The following CACNA2D1 variants were observed in gnomAD, a reference collection of about 807,000 sequenced individuals.
The protein encoded by CACNA2D1 is calcium voltage-gated channel auxiliary subunit alpha2delta 1.
A neutral mutation model predicts 171.5 loss-of-function variants in CACNA2D1; 53 were observed. The ratio of observed to expected loss-of-function variants is 0.31; its 90% CI spans 0.25 to 0.39. The LOEUF is 0.39. CACNA2D1 is among the 10% of genes least tolerant of loss of function. The pLI is 1.00. For synonymous variants in CACNA2D1, 442 were observed against 443.1 expected (o/e 1.00, Z 0.03); for missense variants, 903 against 1,299.8 (o/e 0.69, Z 4.69).
At chr7:82,303,851 C>A (rs1813361695) in intron 3 of CACNA2D1, among the ~76,000 whole-genome samples, 1 of 151,958 alleles carries the variant, frequency 6.6e-6, no homozygotes, top group African/African-American at 2.4e-5. Flanking sequence ...GCAACAAAAA[C>A]AAAATTAGAC....
At chr7:82,011,333 G>T (rs1799749848) in intron 15 of CACNA2D1, among the ~76,000 whole-genome samples, 1 of 152,010 alleles carries the variant, frequency 6.6e-6, no homozygotes, top group African/African-American at 2.4e-5. Context: ...GTTTATGTTG[G>T]GCTGCATTCA....
At chr7:82,223,330 T>C (rs996057662) in intron 3 of CACNA2D1, among the ~76,000 whole-genome samples, 4 of 152,206 alleles carry the variant, frequency 2.6e-5, no homozygotes, top group Non-Finnish European at 5.9e-5. Flanking sequence ...GCTATACAAT[T>C]TTCCATTCTT....
At chr7:82,356,982 C>T (rs1200362220) in intron 1 of CACNA2D1, among the ~76,000 whole-genome samples, 1 of 151,976 alleles carries the variant, frequency 6.6e-6, no homozygotes, top group African/African-American at 2.4e-5. Context: ...TCTACAAATT[C>T]AATAAAATTT....
intron 3 of CACNA2D1, among the ~76,000 whole-genome samples, chr7:82,331,231 A>G (rs192132817): frequency 1.4e-4 from 21 of 152,292 alleles, no homozygotes; most frequent in African/African-American, 4.3e-4. Flanking sequence ...TAACCACTCA[A>G]TAAAGCCTAA....
At chr7:82,434,522 C>A (rs750946967) in intron 1 of CACNA2D1, among the ~76,000 whole-genome samples, 1 of 152,058 alleles carries the variant, frequency 6.6e-6, no homozygotes, top group Non-Finnish European at 1.5e-5. Flanking sequence ...TCTCACTCCT[C>A]CCACTCTCCA....
At chr7:82,332,317 A>G (rs1585530123) in intron 3 of CACNA2D1, among the ~76,000 whole-genome samples, 2 of 152,068 alleles carry the variant, frequency 1.3e-5, no homozygotes, top group East Asian at 3.9e-4. Flanking sequence ...CGGCCTCCCA[A>G]AGTGCTGAGA....
intron 6 of CACNA2D1, among the ~76,000 whole-genome samples, chr7:82,102,683 G>T (rs1812821758): frequency 6.6e-6 from 1 of 152,106 alleles, no homozygotes; most frequent in Admixed American, 6.6e-5. Context: ...CATCTACAAG[G>T]TCATGGGGCA....
chr7:82,321,352 T>C (rs763290219), intron 3 of CACNA2D1, among the ~76,000 whole-genome samples: 2 of 152,062 alleles, frequency 1.3e-5, no homozygotes, highest in Non-Finnish European at 2.9e-5. Flanking sequence ...TGGGCCGAGA[T>C]GGCACCATTT....
At chr7:82,234,352 A>AT (rs925404956) in intron 3 of CACNA2D1, among the ~76,000 whole-genome samples, 1 of 152,122 alleles carries the variant, frequency 6.6e-6, no homozygotes, top group Admixed American at 6.5e-5. Context: ...CAACCTAAAA[A>AT]ATATATTTTT....
At chr7:82,405,275 T>G (rs557982619) in intron 1 of CACNA2D1, among the ~76,000 whole-genome samples, 1 of 152,312 alleles carries the variant, frequency 6.6e-6, no homozygotes, top group South Asian at 2.1e-4. Context: ...ACACACTTTC[T>G]TTTTAAATGT....
intron 38 of CACNA2D1, among the ~76,000 whole-genome samples, chr7:81,956,750 G>A (rs1345744565): frequency 6.6e-6 from 1 of 151,984 alleles, no homozygotes; most frequent in East Asian, 1.9e-4. Context: ...CCTAATCAAT[G>A]ACTACTTGGA....
intron 24 of CACNA2D1, among the ~76,000 whole-genome samples, chr7:81,978,710 G>A (rs1349953756): frequency 6.7e-6 from 1 of 149,908 alleles, no homozygotes; most frequent in Non-Finnish European, 1.5e-5. Context: ...TGTACGTCAT[G>A]CACATGTATC....
At chr7:82,037,324 C>CAA (rs1803405406) in intron 11 of CACNA2D1, among the ~76,000 whole-genome samples, 1 of 152,040 alleles carries the variant, frequency 6.6e-6, no homozygotes, top group Non-Finnish European at 1.5e-5. Flanking sequence ...ACTAAAAATA[C>CAA]AAAAATTAGC....
intron 5 of CACNA2D1, among the ~76,000 whole-genome samples, chr7:82,128,067 G>A (rs760448529): frequency 2.6e-5 from 4 of 151,738 alleles, no homozygotes; most frequent in South Asian, 2.1e-4. Context: ...GGGACTACAG[G>A]TGCACCCCAC....
At chr7:82,308,946 A>C (rs1814073365) in intron 3 of CACNA2D1, among the ~76,000 whole-genome samples, 1 of 152,216 alleles carries the variant, frequency 6.6e-6, no homozygotes, top group African/African-American at 2.4e-5. Flanking sequence ...TTGATGGTCT[A>C]AATCGGGTGG....
intron 24 of CACNA2D1, among the ~76,000 whole-genome samples, chr7:81,980,996 C>T (rs1259231978): frequency 6.6e-6 from 1 of 152,060 alleles, no homozygotes; most frequent in East Asian, 1.9e-4. Context: ...TGAGATGTGT[C>T]TCATATTGAA....
At chr7:82,431,789 C>T (rs1375731226) in intron 1 of CACNA2D1, among the ~76,000 whole-genome samples, 1 of 84,000 alleles carries the variant, frequency 1.2e-5, no homozygotes, top group African/African-American at 7.7e-5. Context: ...CCTGTAACCC[C>T]AGCACTTTGG....
At chr7:82,102,696 A>G (rs1029970583) in intron 6 of CACNA2D1, among the ~76,000 whole-genome samples, 1 of 152,138 alleles carries the variant, frequency 6.6e-6, no homozygotes, top group African/African-American at 2.4e-5. Flanking sequence ...ATGGGGCAGA[A>G]AGAGAGTTCC....
intron 1 of CACNA2D1, among the ~76,000 whole-genome samples, chr7:82,395,267 G>C (rs893378910): frequency 6.6e-6 from 1 of 152,100 alleles, no homozygotes; most frequent in African/African-American, 2.4e-5. Context: ...CTGAGCTAGA[G>C]AGAAGTAAAA....
Sources: allele counts gnomAD v4.1 joint callset (sites outside exome capture counted in the v4.1 genomes callset), GRCh38; gene constraint gnomAD v4.1.1; transcripts MANE v1.5; gene names NCBI Gene and HGNC (gene_info 2026-07-23, HGNC 2026-07-21).